OTUD7A: variants seen among roughly 807,000 people sequenced by gnomAD.
OTUD7A encodes the protein OTU domain-containing protein 7A.
OTUD7A carries 12 observed loss-of-function variants against 65.7 expected under a neutral mutation model. The observed-to-expected ratio is 0.18, with a 90% CI of 0.12 to 0.30. The LOEUF is 0.30. Among genes scored for constraint, OTUD7A ranks in the 10% least tolerant of loss-of-function variants. The pLI, the probability that OTUD7A is intolerant of heterozygous loss-of-function variation, is 1.00. For synonymous variants in OTUD7A, 641 were observed against 586.3 expected (o/e 1.09, Z -1.35); for missense variants, 1,148 against 1,304.8 (o/e 0.88, Z 1.85).
intron 1 of OTUD7A, among the ~76,000 whole-genome samples, chr15:31,679,672 G>GT (rs1251373953): frequency 3.3e-5 from 5 of 152,138 alleles, no homozygotes; most frequent in Non-Finnish European, 7.3e-5. Context: ...CGCCATGATT[G>GT]TAAGTCTCCT....
chr15:31,598,083 G>A (rs772053254), intron 3 of OTUD7A, among the ~76,000 whole-genome samples: 1 of 152,186 alleles, frequency 6.6e-6, no homozygotes, highest in Non-Finnish European at 1.5e-5. Flanking sequence ...GAGTTCTGTG[G>A]TGGTGATGTT....
At chr15:31,512,876 C>T in intron 8 of OTUD7A, among the ~76,000 whole-genome samples, 1 of 152,160 alleles carries the variant, frequency 6.6e-6, no homozygotes, top group East Asian at 1.9e-4. Context: ...AGAATGTTAG[C>T]ACAGGTCTTT....
At chr15:31,791,163 A>G (rs2140937255) in intron 1 of OTUD7A, among the ~76,000 whole-genome samples, 1 of 152,172 alleles carries the variant, frequency 6.6e-6, no homozygotes, top group East Asian at 1.9e-4. Flanking sequence ...AGTAGCTGGG[A>G]CTACAGGTAC....
Position 31,636,352 on chromosome 15 carries a change from T to C in OTUD7A, c.151+18744A>G, listed in dbSNP as rs181590701. On this transcript the variant is annotated intron_variant, in intron 3 of 12. Transcript: ENST00000307050. ...TGATCTTTGATGTTACTGTTGTAAT[T>C]ACAACAGTTCTGGTTCTGGGGCACC... 4.3e-3 allele frequency among the ~76,000 whole-genome samples: 661 copies of C among 152,304 alleles called. 8 individuals carry two copies. Among genetic ancestry groups the C allele is most frequent in the African/African-American group, 0.015 (625 of 41,562 alleles).
chr15:31,656,363 G>T (rs1891992813), intron 2 of OTUD7A, among the ~76,000 whole-genome samples: 1 of 152,134 alleles, frequency 6.6e-6, no homozygotes, highest in African/African-American at 2.4e-5. Context: ...GGCCACATGT[G>T]GTCTGCCACC....
rs542429853 is a variant in OTUD7A at position 31,653,356 on chromosome 15, A to G, written c.151+1740T>C. 2.0e-5 allele frequency among the ~76,000 whole-genome samples: 3 copies of G among 152,310 alleles called. No individual in the cohort carries two copies. In the East Asian group the frequency reaches 5.8e-4, roughly 29 times the overall value. ...TCTAGTTGTAACTGCCAAAAATGGA[A>G]AACAACTGAAATGCCCCTGGACAGA... On this transcript the variant is annotated intron_variant, in intron 3 of 12. Transcript: ENST00000307050.
intron 1 of OTUD7A, among the ~76,000 whole-genome samples, chr15:31,790,916 A>G (rs1207312015): frequency 6.6e-6 from 1 of 152,196 alleles, no homozygotes; most frequent in Non-Finnish European, 1.5e-5. Context: ...CAATGGAGAC[A>G]CCTATGGAAG....
chr15:31,868,794 G>A (rs1438559256), intron 1 of OTUD7A, among the ~76,000 whole-genome samples: 1 of 152,064 alleles, frequency 6.6e-6, no homozygotes, highest in African/African-American at 2.4e-5. Context: ...TTCGTAAAGC[G>A]GCGATTTCCA....
chr15:31,834,903 G>C (rs1897018279), intron 1 of OTUD7A, among the ~76,000 whole-genome samples: 1 of 152,226 alleles, frequency 6.6e-6, no homozygotes, highest in South Asian at 2.1e-4. Flanking sequence ...ATGCTGGCAA[G>C]ACAAATGAAG....
intron 6 of OTUD7A, among the ~76,000 whole-genome samples, chr15:31,528,670 C>A (rs1171574507): frequency 6.6e-6 from 1 of 152,254 alleles, no homozygotes; most frequent in Non-Finnish European, 1.5e-5. Context: ...TTGGGCAGGT[C>A]TCTCTTGCAG....
chr15:31,513,294 G>A (rs1473055174), intron 8 of OTUD7A, among the ~76,000 whole-genome samples: 1 of 152,186 alleles, frequency 6.6e-6, no homozygotes, highest in African/African-American at 2.4e-5. Context: ...CAGCCAACCT[G>A]GCACCCCATC....
chr15:31,582,592 G>T (rs1045053441), intron 3 of OTUD7A, among the ~76,000 whole-genome samples: 2 of 152,216 alleles, frequency 1.3e-5, no homozygotes, highest in Non-Finnish European at 2.9e-5. Context: ...CAGCAGGCAA[G>T]AGAGCTCGTG....
intron 1 of OTUD7A, among the ~76,000 whole-genome samples, chr15:31,789,497 T>C (rs1895758071): frequency 6.6e-6 from 1 of 152,212 alleles, no homozygotes; most frequent in East Asian, 1.9e-4. Flanking sequence ...CCTCCACAAT[T>C]ATGTTTCCCA....
chr15:31,617,526 T>G (rs1305009848), intron 3 of OTUD7A, among the ~76,000 whole-genome samples: 1 of 152,050 alleles, frequency 6.6e-6, no homozygotes, highest in Non-Finnish European at 1.5e-5. Flanking sequence ...CTGGCAAGAC[T>G]TATATACATT....
chr15:31,525,267 T>G (rs1250839904), intron 8 of OTUD7A, among the ~76,000 whole-genome samples: 1 of 152,152 alleles, frequency 6.6e-6, no homozygotes, highest in Non-Finnish European at 1.5e-5. Flanking sequence ...GTCGACTGAG[T>G]CTTCAGAATG....
At chr15:31,686,471 C>T (rs982486351) in intron 1 of OTUD7A, among the ~76,000 whole-genome samples, 1 of 152,248 alleles carries the variant, frequency 6.6e-6, no homozygotes, top group Non-Finnish European at 1.5e-5. Flanking sequence ...GGTGTTGATG[C>T]AGAACCAGAG....
intron 3 of OTUD7A, among the ~76,000 whole-genome samples, chr15:31,617,156 G>C (rs113264637): frequency 6.6e-6 from 1 of 151,992 alleles, no homozygotes; most frequent in East Asian, 1.9e-4. Context: ...AAAGAGAATC[G>C]ATGAAGCCAA....
intron 1 of OTUD7A, among the ~76,000 whole-genome samples, chr15:31,763,819 TAGG>T (rs1247822121): frequency 2.0e-5 from 3 of 152,156 alleles, no homozygotes; most frequent in South Asian, 2.1e-4. Flanking sequence ...GCATTATAAA[TAGG>T]AGAACAACCC....
At chr15:31,691,962 G>GA (rs1356373288) in intron 1 of OTUD7A, among the ~76,000 whole-genome samples, 2 of 32,532 alleles carry the variant, frequency 6.1e-5, no homozygotes, top group African/African-American at 1.1e-4. Context: ...ACAGGCATAT[G>GA]AAAAAATGCT....
Sources: gnomAD v4.1 joint callset for allele counts (sites outside exome capture counted in the v4.1 genomes callset) on GRCh38, gnomAD v4.1.1 for gene constraint, MANE v1.5 for transcripts, NCBI Gene and HGNC (gene_info 2026-07-23, HGNC 2026-07-21) for gene names.